Variants in SPTBN4 observed in about 807,000 individuals in gnomAD.
SPTBN4 encodes spectrin beta, non-erythrocytic 4, also known as spectrin beta chain, non-erythrocytic 4.
A neutral mutation model predicts 277.8 loss-of-function variants in SPTBN4; 96 were observed. The ratio of observed to expected loss-of-function variants is 0.35; its 90% CI spans 0.29 to 0.41. The LOEUF is 0.41. Among genes scored for constraint, SPTBN4 ranks in the 10% least tolerant of loss-of-function variants. The probability of loss-of-function intolerance (pLI) is 1.00; values close to 1 mark genes in which losing one functional copy is unlikely to be tolerated. For synonymous variants in SPTBN4, 1,481 were observed against 1,580.3 expected (o/e 0.94, Z 1.49); for missense variants, 3,006 against 3,595.7 (o/e 0.84, Z 4.19).
intron 14 of SPTBN4, 64 bp downstream of exon 14, chr19:40,513,618 G>T (rs2080421182): frequency 7.1e-7 from 1 of 1,414,616 alleles, no homozygotes; most frequent in Non-Finnish European, 9.3e-7. Flanking sequence ...ACCTTCATTG[G>T]CTCAACAGTT....
intron 18 of SPTBN4, chr19:40,530,574 C>G (rs1472160768): frequency 1.0e-6 from 1 of 980,606 alleles, no homozygotes; most frequent in Non-Finnish European, 1.2e-6. Flanking sequence ...GCCCCGCCAA[C>G]GCCACTGCCG....
Position 40,560,263 on chromosome 19 carries a change from A to C in SPTBN4, c.5775A>C (p.Lys1925Asn), listed in dbSNP as rs1170225365. ...SREQEVLQGW[K>N]ELLSACEDAR... ...AGCAGGAGGTGCTGCAGGGTTGGAA[A>C]GAGCTGCTGTCAGCCTGTGAGGATG... Residue 1925 changes from lysine (K) to asparagine (N), a missense_variant, in exon 27 of 36, where the codon AAA (lysine) becomes AAC (asparagine). Lys to Asn is a moderately conservative substitution (Grantham distance 94). Coordinates refer to ENST00000598249, the MANE Select transcript of SPTBN4 (RefSeq NM_020971.3). This position sits in a 1 kb window ranked among gnomAD's most constrained non-coding sequence, Gnocchi z 5.2. 1 of 1,613,856 alleles carries C rather than the reference A, an allele frequency of 6.2e-7. No homozygotes were observed. The highest frequency in any genetic ancestry group is 1.3e-5 in the African/African-American group (1 of 75,066).
intron 18 of SPTBN4, among the ~76,000 whole-genome samples, chr19:40,531,698 A>G (rs565987648): frequency 6.8e-6 from 1 of 147,612 alleles, no homozygotes; most frequent in Admixed American, 6.7e-5. Flanking sequence ...AGAGGGGCCC[A>G]CTCTTGGTGC....
Position 40,506,338 on chromosome 19 carries a change from C to A in SPTBN4, c.1768C>A (p.Arg590=). 5 of 1,613,964 alleles carry A rather than the reference C, an allele frequency of 3.1e-6. No homozygotes were observed. Among genetic ancestry groups the A allele is most frequent in the African/African-American group, 1.3e-5 (1 of 75,050 alleles). Reference sequence around the variant, plus strand: ...GGGAGACATTGCCGCCCAGAGCGAGCGGGTGGAGGCTCTCAATGCCGCTGC... The same window carrying A: ...GGGAGACATTGCCGCCCAGAGCGAGAGGGTGGAGGCTCTCAATGCCGCTGC... ...LEGDIAAQSE[R]VEALNAAALR... Residue 590 remains arginine, a synonymous_variant, in exon 13 of 36, where the codon CGG becomes AGG. Coordinates refer to ENST00000598249, the MANE Select transcript of SPTBN4 (RefSeq NM_020971.3).
chr19:40,569,398 G>A (rs150202184), intron 31 of SPTBN4, among the ~76,000 whole-genome samples: 119 of 144,972 alleles, frequency 8.2e-4, no homozygotes, highest in Admixed American at 2.1e-3. Flanking sequence ...CTACACTCCA[G>A]CCTGGGCAAC....
At chr19:40,481,226 T>C (rs895915659) in intron 2 of SPTBN4, among the ~76,000 whole-genome samples, 22 of 152,192 alleles carry the variant, frequency 1.4e-4, no homozygotes, top group African/African-American at 5.3e-4. Flanking sequence ...TATATGTATC[T>C]GTTGTTGTTA....
At chr19:40,491,047 A>T (rs1210520259) in intron 4 of SPTBN4, among the ~76,000 whole-genome samples, 1 of 152,166 alleles carries the variant, frequency 6.6e-6, no homozygotes, top group Admixed American at 6.5e-5. Flanking sequence ...CTTAAAAGAA[A>T]AAAAAAGCTA....
intron 2 of SPTBN4, among the ~76,000 whole-genome samples, chr19:40,479,199 T>G (rs369823362): frequency 2.6e-5 from 4 of 152,206 alleles, no homozygotes; most frequent in African/African-American, 9.6e-5. Context: ...CCAGGTTGCC[T>G]GTAATCCTAG....
intron 12 of SPTBN4, among the ~76,000 whole-genome samples, chr19:40,505,702 GGAAGGAAGGAAGGAA>G: frequency 1.4e-5 from 1 of 70,144 alleles, no homozygotes; most frequent in Non-Finnish European, 3.3e-5. Context: ...ATGAAAGGGA[GGAAGGAAGGAAGGAA>G]GGAAGGAAGG....
At chr19:40,501,035 G>T (rs1236648687) in intron 7 of SPTBN4, among the ~76,000 whole-genome samples, 2 of 152,212 alleles carry the variant, frequency 1.3e-5, no homozygotes, top group South Asian at 4.1e-4. Context: ...ATAACATGAG[G>T]ATTATCAACT....
intron 17 of SPTBN4, chr19:40,524,588 C>A: frequency 2.2e-6 from 1 of 456,568 alleles, no homozygotes; most frequent in Admixed American, 2.4e-5. Context: ...CCTTGGGAAC[C>A]CCCAGACCTC....
chr19:40,571,861 C>T (rs1197500817), intron 33 of SPTBN4, 158 bp from the exon 34 acceptor site: 2 of 764,140 alleles, frequency 2.6e-6, no homozygotes, highest in Non-Finnish European at 2.0e-6. Context: ...GCAGCAACAG[C>T]CTTAAGGAAG....
chr19:40,511,956 T>A (rs1008364816), intron 13 of SPTBN4, among the ~76,000 whole-genome samples: 4 of 152,080 alleles, frequency 2.6e-5, no homozygotes, highest in Non-Finnish European at 4.4e-5. Context: ...AAACCCCGTC[T>A]CTACTAAAAA....
chr19:40,475,351 C>CT lies in SPTBN4; in HGVS notation c.169+2563dup, dbSNP rs1283697566. 7.2e-5 allele frequency among the ~76,000 whole-genome samples: 11 copies of CT among 152,286 alleles called. No homozygotes were observed. In the East Asian group the frequency reaches 2.1e-3, roughly 29 times the overall value. On this transcript the variant is annotated intron_variant, in intron 2 of 35. Coordinates refer to ENST00000598249, the MANE Select transcript of SPTBN4 (RefSeq NM_020971.3). ...ATATAGATGATCATAATCATGAATT[C>CT]TTAAAACCCAAAGGTCAGAATCAGT...
chr19:40,506,715 T>C (rs1334581453), intron 13 of SPTBN4, among the ~76,000 whole-genome samples: 1 of 152,202 alleles, frequency 6.6e-6, no homozygotes, highest in Non-Finnish European at 1.5e-5. Flanking sequence ...CGGTGGCTCA[T>C]GCCTATAATT....
chr19:40,530,074 G>C (rs1438551971), intron 18 of SPTBN4, among the ~76,000 whole-genome samples: 4 of 151,680 alleles, frequency 2.6e-5, no homozygotes, highest in Non-Finnish European at 5.9e-5. Flanking sequence ...GTTCCCCCTC[G>C]CCCCCACTGG....
chr19:40,567,697 C>T lies in SPTBN4; in HGVS notation c.6371C>T (p.Pro2124Leu), dbSNP rs1166953235. Residue 2124 changes from proline (P) to leucine (L), a missense_variant, in exon 31 of 36, where the codon CCG becomes CTG. By Grantham distance (98) the Pro-to-Leu change is moderately conservative. Transcript: ENST00000598249. ...ATCAAAGCGGAACAGAGCAAGCAGC[C>T]GCCTACCCCACTGCTGGGGCGCAAG... is the stretch of plus-strand genomic sequence containing the variant. ...EKIKAEQSKQ[P>L]PTPLLGRKFF... is the part of the protein sequence containing the mutation. The T allele has an allele frequency of 6.4e-7, 1 of 1,552,250 alleles. No individual in the cohort carries two copies. The highest frequency in any genetic ancestry group is 8.7e-7 in the Non-Finnish European group (1 of 1,151,078).
intron 2 of SPTBN4, among the ~76,000 whole-genome samples, chr19:40,476,252 G>A (rs1223021631): frequency 1.3e-5 from 2 of 151,554 alleles, no homozygotes; most frequent in African/African-American, 4.8e-5. Context: ...GGATGAGGCA[G>A]GAGAATCGCC....
Position 40,515,477 on chromosome 19 carries a change from C to T in SPTBN4, c.2903+29C>T. The T allele has an allele frequency of 3.9e-6, 6 of 1,532,856 alleles. No individual in the cohort carries two copies. The highest frequency in any genetic ancestry group is 2.8e-5 in the African/African-American group (2 of 72,570). 95.0% of individuals were successfully genotyped at this position (1,532,856 alleles called of 1,614,324 possible). A position where few individuals can be genotyped will look rare whatever the true frequency, so the allele number is the denominator to read the frequency against. ...GGAGGGCCTGGGGCTGGGAGTCCCT[C>T]CCATCCTTCCCTTCCACACTCACAC... is the stretch of plus-strand genomic sequence containing the variant. On this transcript the variant is annotated intron_variant, in intron 15 of 35. Coordinates refer to ENST00000598249, the MANE Select transcript of SPTBN4 (RefSeq NM_020971.3). The surrounding 1 kb of genome is among the most constrained non-coding windows in gnomAD (Gnocchi z 4.1).
Sources: gnomAD v4.1 joint callset for allele counts (sites outside exome capture counted in the v4.1 genomes callset) on GRCh38, gnomAD v4.1.1 for gene constraint, Gnocchi (gnomAD v3.1) non-coding constraint, MANE v1.5 for transcripts, NCBI Gene and HGNC (gene_info 2026-07-23, HGNC 2026-07-21) for gene names.